The following PRIM2 variants were observed in gnomAD, a reference collection of about 807,000 sequenced individuals.
PRIM2 encodes DNA primase large subunit.
PRIM2 carries 39 observed loss-of-function variants against 67.3 expected under a neutral mutation model. That is an observed-to-expected ratio of 0.58 (90% CI 0.45 to 0.76). The LOEUF (loss-of-function observed/expected upper bound fraction) is 0.76, where lower values mean the gene tolerates loss of function less well. Ranked by LOEUF, PRIM2 falls within the 30% of genes least tolerant of loss-of-function variation. The pLI, the probability that PRIM2 is intolerant of heterozygous loss-of-function variation, is 0.00. For synonymous variants in PRIM2, 143 were observed against 198.7 expected (o/e 0.72, Z 2.36); for missense variants, 398 against 598.7 (o/e 0.66, Z 3.50).
At chr6:57,328,069 G>A (rs1163128573) in intron 5 of PRIM2, among the ~76,000 whole-genome samples, 2 of 152,138 alleles carry the variant, frequency 1.3e-5, no homozygotes, top group African/African-American at 2.4e-5. Context: ...CTCGCTCACT[G>A]CTCACCTCCT....
intron 12 of PRIM2, among the ~76,000 whole-genome samples, chr6:57,619,033 C>T (rs1228736556): frequency 9.9e-5 from 15 of 152,246 alleles, no homozygotes; most frequent in African/African-American, 2.4e-4. Flanking sequence ...CACCTTCTGC[C>T]GCCTCCAATG....
In PRIM2 at chr6:57,326,893, C is replaced by CTT. The variant is rs70989764; in HGVS notation, c.459+873_459+874dup. 3.2e-3 allele frequency among the ~76,000 whole-genome samples: 426 copies of CTT among 131,472 alleles called. 29 individuals are homozygous for CTT. The highest frequency in any genetic ancestry group is 0.012 in the African/African-American group (404 of 33,730). 86.3% of individuals were successfully genotyped at this position (131,472 alleles called of 152,430 possible). On this transcript the variant is annotated intron_variant, in intron 5 of 13. Transcript: ENST00000615550. ...TGAGTATTGGAAATAGAATTTGTAT[C>CTT]TTTTTTTTTTTTTTTTTTTTTTTTT...
intron 10 of PRIM2, among the ~76,000 whole-genome samples, chr6:57,592,431 A>T (rs1356554788): frequency 1.3e-5 from 2 of 152,296 alleles, no homozygotes; most frequent in East Asian, 3.9e-4. Context: ...TCTCTAAAGG[A>T]TACTTTTTAA....
chr6:57,617,120 A>G (rs1776769995), intron 12 of PRIM2, among the ~76,000 whole-genome samples: 1 of 152,194 alleles, frequency 6.6e-6, no homozygotes, highest in African/African-American at 2.4e-5. Context: ...GAGAGCTGTG[A>G]GGGAGAATCT....
In PRIM2 at chr6:57,401,733, C is replaced by G. The variant is rs1253774577; in HGVS notation, c.693+19565C>G. Among the ~76,000 whole-genome samples the G allele has an allele frequency of 2.0e-5, 3 of 152,170 alleles. No individual in the cohort carries two copies. The East Asian group carries it at 5.8e-4, about 29-fold the overall frequency. On this transcript the variant is annotated intron_variant, in intron 7 of 13. Transcript: ENST00000615550. ...AGAGACGTGCAGGTCTGCAATCACC[C>G]AGTGCAATCAGCCCAGGATGGAGGG...
At chr6:57,485,304 C>A (rs1293101817) in intron 7 of PRIM2, among the ~76,000 whole-genome samples, 5 of 152,102 alleles carry the variant, frequency 3.3e-5, no homozygotes, top group African/African-American at 1.2e-4. Context: ...CCTGCCCTTG[C>A]CCTGTTTACC....
intron 7 of PRIM2, among the ~76,000 whole-genome samples, chr6:57,474,325 C>A (rs1282636958): frequency 1.3e-5 from 2 of 150,682 alleles, no homozygotes; most frequent in Non-Finnish European, 3.0e-5. Flanking sequence ...CAGGCACCTG[C>A]CACCATGCCC....
At chr6:57,515,271 C>G (rs1218057578) in intron 8 of PRIM2, among the ~76,000 whole-genome samples, 4 of 152,100 alleles carry the variant, frequency 2.6e-5, no homozygotes, top group Non-Finnish European at 4.4e-5. Flanking sequence ...TTGAATAAAC[C>G]TGTGGCAAAA....
the PRIM2 span, among the ~76,000 whole-genome samples, chr6:57,308,368 C>T: frequency 3.9e-5 from 6 of 152,112 alleles, no homozygotes; most frequent in African/African-American, 1.4e-4. Flanking sequence ...AGTGTTCCAC[C>T]CTCCTCAGCC....
chr6:57,267,497 C>G, the PRIM2 span, among the ~76,000 whole-genome samples: 2 of 152,036 alleles, frequency 1.3e-5, no homozygotes, highest in African/African-American at 4.8e-5. Flanking sequence ...TTTAGTCCAG[C>G]ACTGTACTAA....
chr6:57,326,561 A>C (rs1253816511), intron 5 of PRIM2, among the ~76,000 whole-genome samples: 1 of 152,088 alleles, frequency 6.6e-6, no homozygotes, highest in East Asian at 1.9e-4. Flanking sequence ...ACTCTACAAA[A>C]AATACAAAAA....
At chr6:57,389,090 G>A (rs1770243450) in intron 7 of PRIM2, among the ~76,000 whole-genome samples, 2 of 152,190 alleles carry the variant, frequency 1.3e-5, no homozygotes, top group Admixed American at 6.5e-5. Flanking sequence ...CACACAGTGT[G>A]ACTATTTATT....
chr6:57,279,287 A>T, the PRIM2 span, among the ~76,000 whole-genome samples: 2 of 152,136 alleles, frequency 1.3e-5, no homozygotes, highest in Admixed American at 1.3e-4. Flanking sequence ...TTCTTTTTTT[A>T]ACTTATGGAA....
intron 10 of PRIM2, among the ~76,000 whole-genome samples, chr6:57,563,704 C>T (rs1195613627): frequency 3.9e-5 from 6 of 152,170 alleles, no homozygotes; most frequent in African/African-American, 1.2e-4. Flanking sequence ...TGCAGTGGTG[C>T]GATCTTCGCT....
At chr6:57,394,929 T>C (rs1375370539) in intron 7 of PRIM2, among the ~76,000 whole-genome samples, 1 of 152,200 alleles carries the variant, frequency 6.6e-6, no homozygotes, top group East Asian at 1.9e-4. Flanking sequence ...TCATGTGATT[T>C]TTTGTTTTTA....
At chr6:57,636,623 A>G (rs1334720367) in intron 13 of PRIM2, among the ~76,000 whole-genome samples, 3 of 152,238 alleles carry the variant, frequency 2.0e-5, no homozygotes, top group Non-Finnish European at 4.4e-5. Flanking sequence ...TGAGTTAAGG[A>G]CAATTGCAGA....
chr6:57,468,414 T>G (rs1443654003), intron 7 of PRIM2, among the ~76,000 whole-genome samples: 5 of 152,316 alleles, frequency 3.3e-5, no homozygotes, highest in Admixed American at 6.5e-5. Flanking sequence ...TGGTTCTGTT[T>G]ATGTGATGGA....
the PRIM2 span, among the ~76,000 whole-genome samples, chr6:57,256,582 T>C: frequency 6.6e-6 from 1 of 151,964 alleles, no homozygotes; most frequent in Non-Finnish European, 1.5e-5. Context: ...CTAACAAAAG[T>C]AGACTTTTGC....
chr6:57,334,114 A>G (rs890126545), intron 5 of PRIM2, among the ~76,000 whole-genome samples: 1 of 152,102 alleles, frequency 6.6e-6, no homozygotes, highest in East Asian at 1.9e-4. Context: ...CTCTATTTCT[A>G]TGAGATCAAC....
Sources: allele counts gnomAD v4.1 joint callset (sites outside exome capture counted in the v4.1 genomes callset), GRCh38; gene constraint gnomAD v4.1.1; transcripts MANE v1.5; gene names NCBI Gene and HGNC (gene_info 2026-07-23, HGNC 2026-07-21).